FSTL4: variants seen among roughly 807,000 people sequenced by gnomAD.
FSTL4 encodes follistatin-related protein 4.
Under a neutral mutation model 78.2 loss-of-function variants are expected in FSTL4, and 28 were observed. The observed-to-expected ratio is 0.36, with a 90% CI of 0.27 to 0.49. FSTL4 has a LOEUF of 0.49. Ranked by LOEUF, FSTL4 falls within the 20% of genes least tolerant of loss-of-function variation. The probability of loss-of-function intolerance (pLI) is 0.98; values close to 1 mark genes in which losing one functional copy is unlikely to be tolerated. For synonymous variants in FSTL4, 422 were observed against 440.5 expected (o/e 0.96, Z 0.53); for missense variants, 922 against 1,084.9 (o/e 0.85, Z 2.11).
At chr5:133,578,462 A>G (rs1425691139) in intron 2 of FSTL4, among the ~76,000 whole-genome samples, 1 of 152,248 alleles carries the variant, frequency 6.6e-6, no homozygotes, top group Non-Finnish European at 1.5e-5. Flanking sequence ...TCCCACAGAG[A>G]GTTCTGTCCA....
intron 4 of FSTL4, among the ~76,000 whole-genome samples, chr5:133,348,150 T>C (rs1754737210): frequency 6.6e-6 from 1 of 152,222 alleles, no homozygotes; most frequent in African/African-American, 2.4e-5. Context: ...AGCATAAAGG[T>C]ATCAAACTCT....
chr5:133,804,350 G>A, the FSTL4 span, among the ~76,000 whole-genome samples: 1 of 152,150 alleles, frequency 6.6e-6, no homozygotes, highest in Non-Finnish European at 1.5e-5. Context: ...ATAGTGCAGT[G>A]CCCACTACAC....
At chr5:133,756,731 A>G in the FSTL4 span, among the ~76,000 whole-genome samples, 7 of 152,258 alleles carry the variant, frequency 4.6e-5, no homozygotes, top group Admixed American at 4.6e-4. Flanking sequence ...CTGTCTGGAC[A>G]TAGCAGGTGC....
At chr5:133,638,320 C>T in the FSTL4 span, among the ~76,000 whole-genome samples, 1 of 152,170 alleles carries the variant, frequency 6.6e-6, no homozygotes, top group African/African-American at 2.4e-5. Context: ...CAGAGCTATC[C>T]TGTGAAATAG....
chr5:133,781,429 T>G, the FSTL4 span, among the ~76,000 whole-genome samples: 1 of 151,654 alleles, frequency 6.6e-6, no homozygotes, highest in Non-Finnish European at 1.5e-5. Context: ...TGTGTGTGTA[T>G]GCATGCATGT....
At chr5:133,750,787 A>G in the FSTL4 span, among the ~76,000 whole-genome samples, 1 of 152,126 alleles carries the variant, frequency 6.6e-6, no homozygotes, top group Non-Finnish European at 1.5e-5. Flanking sequence ...CCCTATGATT[A>G]GTCCTGGAAG....
At chr5:133,392,330 G>T (rs1383839778) in intron 4 of FSTL4, among the ~76,000 whole-genome samples, 2 of 152,124 alleles carry the variant, frequency 1.3e-5, no homozygotes, top group Non-Finnish European at 2.9e-5. Flanking sequence ...AGCCCCAGGG[G>T]AAATACCTGG....
chr5:133,442,197 T>G (rs1757172886), intron 3 of FSTL4, among the ~76,000 whole-genome samples: 1 of 152,230 alleles, frequency 6.6e-6, no homozygotes, highest in South Asian at 2.1e-4. Flanking sequence ...GATAAACTAC[T>G]CAGTGGTTAA....
intron 3 of FSTL4, among the ~76,000 whole-genome samples, chr5:133,522,210 C>G (rs1435590169): frequency 6.6e-6 from 1 of 152,116 alleles, no homozygotes; most frequent in African/African-American, 2.4e-5. Flanking sequence ...TAGTGCAATT[C>G]CCTTGCTGGG....
At chr5:133,207,431 A>G (rs976694351) in intron 14 of FSTL4, among the ~76,000 whole-genome samples, 3 of 152,068 alleles carry the variant, frequency 2.0e-5, no homozygotes, top group Non-Finnish European at 2.9e-5. Flanking sequence ...TTATCACTTT[A>G]TGTGTGTTTC....
chr5:133,600,046 C>T (rs1306134543), intron 2 of FSTL4, among the ~76,000 whole-genome samples: 1 of 152,216 alleles, frequency 6.6e-6, no homozygotes, highest in Non-Finnish European at 1.5e-5. Context: ...AGTGTACAGA[C>T]AGTCCCTGAC....
At chr5:133,572,117 C>A (rs535957830) in intron 2 of FSTL4, among the ~76,000 whole-genome samples, 1 of 152,030 alleles carries the variant, frequency 6.6e-6, no homozygotes, top group Non-Finnish European at 1.5e-5. Context: ...GTTGAATATT[C>A]AAAGACAAAT....
At chr5:133,514,134 G>A (rs1009549939) in intron 3 of FSTL4, among the ~76,000 whole-genome samples, 2 of 150,888 alleles carry the variant, frequency 1.3e-5, no homozygotes, top group East Asian at 1.9e-4. Context: ...AGCCGAGATC[G>A]AGCCACTGCG....
chr5:133,457,645 C>T (rs145841143), intron 3 of FSTL4, among the ~76,000 whole-genome samples: 130 of 152,354 alleles, frequency 8.5e-4, no homozygotes, highest in African/African-American at 2.5e-3. Context: ...CAATCAAACG[C>T]TTCTCAGCTG....
At chr5:133,395,909 C>G (rs531768359) in intron 4 of FSTL4, among the ~76,000 whole-genome samples, 1 of 152,294 alleles carries the variant, frequency 6.6e-6, no homozygotes, top group South Asian at 2.1e-4. Context: ...GAGCTTTGTC[C>G]AGACTGGGGA....
At chr5:133,682,508 T>A in the FSTL4 span, among the ~76,000 whole-genome samples, 1 of 152,224 alleles carries the variant, frequency 6.6e-6, no homozygotes, top group Non-Finnish European at 1.5e-5. Context: ...AGCTATCTAC[T>A]ACAGGAAAAG....
At chr5:133,599,797 C>T (rs950285830) in intron 2 of FSTL4, among the ~76,000 whole-genome samples, 1 of 151,272 alleles carries the variant, frequency 6.6e-6, no homozygotes, top group Non-Finnish European at 1.5e-5. Flanking sequence ...AATGGCAGCA[C>T]CCTAGCCCCA....
chr5:133,526,211 A>G (rs769540293), intron 3 of FSTL4, among the ~76,000 whole-genome samples: 8 of 152,224 alleles, frequency 5.3e-5, no homozygotes, highest in Middle Eastern at 3.2e-3. Context: ...TGATCAATAC[A>G]CTGTGGCTAT....
At chr5:133,458,723 A>T (rs895338405) in intron 3 of FSTL4, among the ~76,000 whole-genome samples, 1 of 152,246 alleles carries the variant, frequency 6.6e-6, no homozygotes, top group Admixed American at 6.5e-5. Flanking sequence ...CCTCACAGAC[A>T]CAAGCACTGG....
Sources: gnomAD v4.1 joint callset for allele counts (sites outside exome capture counted in the v4.1 genomes callset) on GRCh38, gnomAD v4.1.1 for gene constraint, MANE v1.5 for transcripts, NCBI Gene and HGNC (gene_info 2026-07-23, HGNC 2026-07-21) for gene names.